DPEP1: variants seen among roughly 807,000 people sequenced by gnomAD.
The protein encoded by DPEP1 is beta-lactamase.
A neutral mutation model predicts 42.3 loss-of-function variants in DPEP1; 50 were observed. The ratio of observed to expected loss-of-function variants is 1.18; its 90% CI spans 0.94 to 1.50. DPEP1 has a LOEUF of 1.50. Ranked by LOEUF, DPEP1 falls within the 40% of genes most tolerant of loss-of-function variation. The pLI, the probability that DPEP1 is intolerant of heterozygous loss-of-function variation, is 0.00. For missense variants in DPEP1, 663 were observed against 553.0 expected (o/e 1.20, Z -1.99); for synonymous variants, 297 against 234.0 (o/e 1.27, Z -2.46).
chr16:89,639,101 C>G (rs1304471297), downstream of DPEP1, among the ~76,000 whole-genome samples: 1 of 30,400 alleles, frequency 3.3e-5, no homozygotes, highest in South Asian at 8.4e-4. Context: ...ACACACACAC[C>G]CCCACCCCTG....
At chr16:89,628,448 G>T (rs993470637) in intron 1 of DPEP1, among the ~76,000 whole-genome samples, 3 of 149,896 alleles carry the variant, frequency 2.0e-5, no homozygotes, top group South Asian at 4.2e-4. Flanking sequence ...AGTAGAGACG[G>T]GGTTTCACCA....
chr16:89,625,928 C>T lies in DPEP1; in HGVS notation c.-106-4377C>T, dbSNP rs143163805. Among the ~76,000 whole-genome samples the T allele has an allele frequency of 1.2e-4, 18 of 152,302 alleles. No individual in the cohort carries two copies. The South Asian group carries it at 2.5e-3, about 21-fold the overall frequency. On this transcript the variant is annotated intron_variant, in intron 1 of 10. Transcript: ENST00000690203. ...GGGGAACCCACAGCCTACCAGGACACGGGGCCCTGCCCAACCCCCAGGACG... is the reference window on the plus strand; with the variant it reads ...GGGGAACCCACAGCCTACCAGGACATGGGGCCCTGCCCAACCCCCAGGACG...
At chr16:89,613,540 C>T (rs1433214674), upstream of DPEP1, 1 of 152,418 alleles carries the variant, frequency 6.6e-6, no homozygotes, top group Admixed American at 6.5e-5. Context: ...CATTTCCCTC[C>T]TCTTTCTACT....
intron 1 of DPEP1, among the ~76,000 whole-genome samples, chr16:89,616,143 G>T (rs920283064): frequency 1.3e-5 from 2 of 151,896 alleles, no homozygotes; most frequent in South Asian, 2.1e-4. Flanking sequence ...CAGGAGGCTG[G>T]GTCCGTGGGG....
chr16:89,624,523 G>T (rs904857996), intron 1 of DPEP1, among the ~76,000 whole-genome samples: 4 of 142,254 alleles, frequency 2.8e-5, no homozygotes, highest in African/African-American at 9.9e-5. Flanking sequence ...CTGTTACATA[G>T]TTTTCTGGGG....
At chr16:89,637,173 T>C (rs375669986) in intron 6 of DPEP1, 31 bp from the exon 7 acceptor site, 201 of 1,603,846 alleles carry the variant, frequency 1.3e-4, no homozygotes, top group Non-Finnish European at 1.6e-4. Flanking sequence ...CCCTGGGGGC[T>C]GTGAGGGTGG....
chr16:89,618,972 C>G (rs2059412147), intron 1 of DPEP1, among the ~76,000 whole-genome samples: 1 of 26,434 alleles, frequency 3.8e-5, no homozygotes, highest in Non-Finnish European at 7.7e-5. Context: ...AGCCCCCCTG[C>G]CCCCCCGCTC....
chr16:89,631,359 G>A (rs1323439684), intron 2 of DPEP1, among the ~76,000 whole-genome samples: 2 of 152,158 alleles, frequency 1.3e-5, no homozygotes, highest in East Asian at 1.9e-4. Context: ...CCAGTGCCCC[G>A]ACACTGGGTC....
At chr16:89,630,929 T>C (rs2059579661) in intron 2 of DPEP1, among the ~76,000 whole-genome samples, 1 of 151,612 alleles carries the variant, frequency 6.6e-6, no homozygotes, top group South Asian at 2.1e-4. Flanking sequence ...TTGTGGGGTC[T>C]CTCAGGGCCC....
At position 89,637,873 on chromosome 16, in the gene DPEP1, G is replaced by A. The variant is rs2059705145; in HGVS notation, c.967G>A (p.Asp323Asn). The A allele has an allele frequency of 1.9e-6, 3 of 1,612,782 alleles. No individual in the cohort carries two copies. The highest frequency in any genetic ancestry group is 2.5e-6 in the Non-Finnish European group (3 of 1,179,902). Residue 323 changes from aspartate to asparagine, a missense_variant, in exon 10 of 11, where the codon GAC becomes AAC. Asp to Asn is a conservative substitution (Grantham distance 23). Coordinates refer to ENST00000690203, the MANE Select transcript of DPEP1 (RefSeq NM_001389466.1). Reference sequence around the variant, plus strand: ...GCTGGAGGACGTCTCCAAGTATCCAGACCTGATCGCTGAGCTGCTCAGGAG... The same window carrying A: ...GCTGGAGGACGTCTCCAAGTATCCAAACCTGATCGCTGAGCTGCTCAGGAG... The part of the protein sequence containing the change: ...EGLEDVSKYP[D>N]LIAELLRRNW...
chr16:89,634,295 G>C lies in DPEP1; in HGVS notation c.105-1613G>C, dbSNP rs183436546. On this transcript the variant is annotated intron_variant, in intron 2 of 10. Coordinates refer to ENST00000690203, the MANE Select transcript of DPEP1 (RefSeq NM_001389466.1). ...GTAGAGACGGGGTTTCACCATGTTA[G>C]CCAGGATGATCTCGATCTCCTGACC... Among the ~76,000 whole-genome samples the C allele has an allele frequency of 1.7e-3, 265 of 152,072 alleles. 1 individual carries two copies. The highest frequency in any genetic ancestry group is 6.1e-3 in the African/African-American group (252 of 41,492).
intron 1 of DPEP1, among the ~76,000 whole-genome samples, chr16:89,628,049 A>G (rs949693219): frequency 3.3e-5 from 5 of 151,636 alleles, no homozygotes; most frequent in Non-Finnish European, 5.9e-5. Flanking sequence ...CAGCCTCCCA[A>G]GTAGCTGGGA....
intron 1 of DPEP1, among the ~76,000 whole-genome samples, chr16:89,616,507 C>T (rs1191763849): frequency 6.6e-6 from 1 of 152,092 alleles, no homozygotes; most frequent in African/African-American, 2.4e-5. Flanking sequence ...GAAGACCCAG[C>T]GTGTATGGCC....
At chr16:89,624,709 G>T (rs1401280542) in intron 1 of DPEP1, among the ~76,000 whole-genome samples, 1 of 151,924 alleles carries the variant, frequency 6.6e-6, no homozygotes, top group Non-Finnish European at 1.5e-5. Flanking sequence ...TAATTTTTGT[G>T]TTTTTAGTTG....
chr16:89,638,140 C>T lies in DPEP1; in HGVS notation c.1154C>T (p.Ser385Phe). 6.2e-7 allele frequency: 1 copy of T among 1,611,242 alleles called. No homozygotes were observed. Among genetic ancestry groups the T allele is most frequent in the Non-Finnish European group, 8.5e-7 (1 of 1,179,018 alleles). ...GSCRTHYGYS[S>F]GASSLHRHWG... ...TGCAGGACCCATTACGGCTACTCCT[C>T]TGGGGCTTCCAGCCTCCATCGCCAC... The change falls in exon 11 of 11, where the codon TCT becomes TTT. Residue 385 changes from serine (S) to phenylalanine (F), a missense_variant. Physicochemically the swap from Ser to Phe is radical, Grantham distance 155. Transcript: ENST00000690203.
At chr16:89,614,168 C>T (rs1207739712) in intron 1 of DPEP1, among the ~76,000 whole-genome samples, 4 of 152,100 alleles carry the variant, frequency 2.6e-5, no homozygotes, top group Non-Finnish European at 4.4e-5. Flanking sequence ...CTCAGACCCG[C>T]CGCTGTCCTC....
chr16:89,636,448 C>T, intron 4 of DPEP1, 52 bp downstream of exon 4: 6 of 1,596,958 alleles, frequency 3.8e-6, no homozygotes, highest in Non-Finnish European at 5.1e-6. Flanking sequence ...ACCCAGCCCT[C>T]ATCCTGAGCA....
intron 1 of DPEP1, among the ~76,000 whole-genome samples, chr16:89,621,606 C>T (rs1490434658): frequency 6.6e-6 from 1 of 152,206 alleles, no homozygotes; most frequent in Non-Finnish European, 1.5e-5. Context: ...GCCTCTGTGC[C>T]AGGCCCCATG....
At chr16:89,628,859 A>G (rs1056580363) in intron 1 of DPEP1, among the ~76,000 whole-genome samples, 1 of 151,082 alleles carries the variant, frequency 6.6e-6, no homozygotes, top group African/African-American at 2.4e-5. Flanking sequence ...TGGAGTCTTG[A>G]TCTGTTGCCC....
Sources: allele counts gnomAD v4.1 joint callset (sites outside exome capture counted in the v4.1 genomes callset), GRCh38; gene constraint gnomAD v4.1.1; transcripts MANE v1.5; gene names NCBI Gene and HGNC (gene_info 2026-07-23, HGNC 2026-07-21).